The following LY86 variants were observed in gnomAD, a reference collection of about 807,000 sequenced individuals.
The protein encoded by LY86 is lymphocyte antigen 86.
LY86 carries 20 observed loss-of-function variants against 17.3 expected under a neutral mutation model. The ratio of observed to expected loss-of-function variants is 1.15; its 90% confidence interval spans 0.81 to 1.68. The LOEUF (loss-of-function observed/expected upper bound fraction) is 1.68. LY86 is among the 40% of genes most tolerant of loss of function. The probability of loss-of-function intolerance (pLI) is 0.00; values close to 1 mark genes in which losing one functional copy is unlikely to be tolerated. For missense variants in LY86, 200 were observed against 191.9 expected (o/e 1.04, Z -0.25); for synonymous variants, 74 against 70.6 (o/e 1.05, Z -0.24).
At chr6:6,612,848 G>C (rs1761421631) in intron 1 of LY86, among the ~76,000 whole-genome samples, 2 of 151,844 alleles carry the variant, frequency 1.3e-5, no homozygotes, top group Non-Finnish European at 2.9e-5. Flanking sequence ...GCTAGATACA[G>C]AGTGCTGATT....
chr6:6,607,815 G>A (rs1761229494), intron 1 of LY86, among the ~76,000 whole-genome samples: 3 of 152,132 alleles, frequency 2.0e-5, no homozygotes, highest in South Asian at 4.1e-4. Context: ...CAGGAGAATC[G>A]CTTGAACCCG....
At chr6:6,642,569 T>G (rs747520747) in intron 3 of LY86, among the ~76,000 whole-genome samples, 7 of 152,210 alleles carry the variant, frequency 4.6e-5, no homozygotes, top group Non-Finnish European at 7.3e-5. Flanking sequence ...ACCGTGACAT[T>G]CGCCCTGAAG....
chr6:6,589,455 C>T (rs944930486), intron 1 of LY86, among the ~76,000 whole-genome samples: 4 of 152,224 alleles, frequency 2.6e-5, no homozygotes, highest in Non-Finnish European at 5.9e-5. Context: ...TATGCCAGGC[C>T]TGTCACCCCA....
intron 1 of LY86, among the ~76,000 whole-genome samples, chr6:6,611,727 T>TA (rs1435989432): frequency 6.6e-6 from 1 of 152,210 alleles, no homozygotes; most frequent in Non-Finnish European, 1.5e-5. Flanking sequence ...AGTCAGGGGC[T>TA]ATGCTTAAGA....
intron 1 of LY86, 112 bp downstream of exon 1, chr6:6,588,982 T>G: frequency 7.3e-7 from 1 of 1,362,340 alleles, no homozygotes. Context: ...GACCAGCAGC[T>G]GAACACTTTC....
In LY86 at chr6:6,588,859, A is replaced by G. The variant is rs1383011029; in HGVS notation, c.125A>G (p.Tyr42Cys). 4 of 1,613,932 alleles carry G rather than the reference A, an allele frequency of 2.5e-6. No homozygotes were observed. In the East Asian group the frequency reaches 8.9e-5, roughly 36 times the overall value. Residue 42 changes from tyrosine (Y) to cysteine (C), a missense_variant, in exon 1 of 5, where the codon TAC (tyrosine) becomes TGC (cysteine). Physicochemically the swap from Tyr to Cys is radical, Grantham distance 194. Transcript: ENST00000230568. ...AGCGACAGCGGCTTGGAAGTGCTCT[A>G]CCAGAGTTGCGGTAAGCCCTTGCAG... is the stretch of plus-strand genomic sequence containing the variant. ...VCSDSGLEVL[Y>C]QSCDPLQDFG...
At chr6:6,649,737 C>A (rs1762159784) in intron 4 of LY86, 60 bp downstream of exon 4, 9 of 861,678 alleles carry the variant, frequency 1.0e-5, no homozygotes, top group South Asian at 1.4e-5. Context: ...AAGAAGAAGG[C>A]TAGAAGGAGG....
At chr6:6,596,072 C>CT (rs1161618448) in intron 1 of LY86, among the ~76,000 whole-genome samples, 2 of 152,222 alleles carry the variant, frequency 1.3e-5, no homozygotes, top group Non-Finnish European at 2.9e-5. Context: ...CTGATGTTTG[C>CT]TACAGGGCAG....
chr6:6,604,894 G>A (rs931893335), intron 1 of LY86, among the ~76,000 whole-genome samples: 1 of 151,104 alleles, frequency 6.6e-6, no homozygotes, highest in Non-Finnish European at 1.5e-5. Flanking sequence ...GTTATAGACT[G>A]ACAGCTGGCT....
intron 1 of LY86, among the ~76,000 whole-genome samples, chr6:6,609,922 A>G (rs932604733): frequency 2.6e-5 from 4 of 151,914 alleles, no homozygotes; most frequent in Non-Finnish European, 4.4e-5. Flanking sequence ...GGCCCTGAAC[A>G]TTGCAAGAAA....
chr6:6,600,760 T>C (rs1013403500), intron 1 of LY86, among the ~76,000 whole-genome samples: 2 of 151,278 alleles, frequency 1.3e-5, no homozygotes, highest in Non-Finnish European at 3.0e-5. Flanking sequence ...AACACCAAAA[T>C]CCTTCCACTT....
At chr6:6,652,453 G>A (rs528043764) in intron 4 of LY86, among the ~76,000 whole-genome samples, 4 of 152,282 alleles carry the variant, frequency 2.6e-5, no homozygotes, top group East Asian at 1.9e-4. Context: ...CCCACTCAGC[G>A]ATCATTCTCC....
chr6:6,646,746 T>C (rs909852164), intron 3 of LY86, among the ~76,000 whole-genome samples: 13 of 152,222 alleles, frequency 8.5e-5, no homozygotes, highest in Admixed American at 4.6e-4. Flanking sequence ...TATATTATTA[T>C]AATCTTTTCC....
At chr6:6,627,633 T>C (rs1028898095) in intron 3 of LY86, among the ~76,000 whole-genome samples, 1 of 152,186 alleles carries the variant, frequency 6.6e-6, no homozygotes, top group African/African-American at 2.4e-5. Context: ...GTATTTCAAA[T>C]GTGGCTGACA....
chr6:6,601,450 C>T (rs945268442), intron 1 of LY86, among the ~76,000 whole-genome samples: 2 of 152,164 alleles, frequency 1.3e-5, no homozygotes, highest in Non-Finnish European at 2.9e-5. Flanking sequence ...AGGCCGGGCG[C>T]GGTGGCTCAC....
chr6:6,599,777 T>A (rs899533786), intron 1 of LY86, among the ~76,000 whole-genome samples: 2 of 152,142 alleles, frequency 1.3e-5, no homozygotes, highest in Non-Finnish European at 2.9e-5. Flanking sequence ...AAAAGGAACA[T>A]CTGAGCCAGA....
At chr6:6,650,657 T>C (rs1762174963) in intron 4 of LY86, among the ~76,000 whole-genome samples, 1 of 152,174 alleles carries the variant, frequency 6.6e-6, no homozygotes, top group South Asian at 2.1e-4. Context: ...ATCACAAAAA[T>C]GTGATTTTTT....
intron 1 of LY86, chr6:6,591,266 C>T (rs1760516557): frequency 6.5e-6 from 1 of 153,804 alleles, no homozygotes; most frequent in South Asian, 2.1e-4. Context: ...ATGGCTCTTT[C>T]CTCTGTAGGT....
chr6:6,649,537 C>T (rs1245278631), intron 3 of LY86, 88 bp from the exon 4 acceptor site: 1 of 813,466 alleles, frequency 1.2e-6, no homozygotes, highest in Non-Finnish European at 2.0e-6. Flanking sequence ...CAATAATTGT[C>T]ACACATCTGT....
Sources: gnomAD v4.1 joint callset for allele counts (sites outside exome capture counted in the v4.1 genomes callset) on GRCh38, gnomAD v4.1.1 for gene constraint, MANE v1.5 for transcripts, NCBI Gene and HGNC (gene_info 2026-07-23, HGNC 2026-07-21) for gene names.